The following PFKL variants were observed in gnomAD, a reference collection of about 807,000 sequenced individuals.
PFKL encodes phosphofructokinase, liver type.
In PFKL, 74 loss-of-function variants were observed where a neutral mutation model predicts 92.1. The observed-to-expected ratio is 0.80, with a 90% CI of 0.67 to 0.97. The LOEUF (loss-of-function observed/expected upper bound fraction) is 0.97, where lower values mean the gene tolerates loss of function less well. PFKL is among the 50% of genes least tolerant of loss of function. The probability of loss-of-function intolerance (pLI) is 0.00; values close to 1 mark genes in which losing one functional copy is unlikely to be tolerated. For missense variants in PFKL, 1,028 were observed against 1,116.6 expected (o/e 0.92, Z 1.13); for synonymous variants, 494 against 456.4 (o/e 1.08, Z -1.05).
intron 19 of PFKL, chr21:44,325,698 G>A (rs560957733): frequency 3.0e-5 from 16 of 529,828 alleles, no homozygotes; most frequent in East Asian, 2.5e-4. Context: ...GCTGGCTGCC[G>A]ATGCAGGGCC....
chr21:44,313,002 G>A lies in PFKL; in HGVS notation c.452G>A (p.Arg151Gln), dbSNP rs750482349. 5.5e-5 allele frequency: 89 copies of A among 1,612,900 alleles called. No homozygotes were observed. The highest frequency in any genetic ancestry group is 1.6e-4 in the Middle Eastern group (1 of 6,082). The stretch of plus-strand genomic sequence containing the variant: ...GGTAAGATCTCAGAGACTACAGCCC[G>A]GACCTACTCGCACCTGAACATCGCG... Reference protein sequence around the residue: ...AEGKISETTARTYSHLNIAGL... With the variant: ...AEGKISETTAQTYSHLNIAGL... The change falls in exon 5 of 22, where the codon CGG (arginine) becomes CAG (glutamine). Residue 151 changes from arginine (R) to glutamine (Q), a missense_variant. Transcript: ENST00000349048.
chr21:44,313,738 T>C, intron 6 of PFKL, 56 bp downstream of exon 6: 1 of 1,532,378 alleles, frequency 6.5e-7, no homozygotes, highest in Non-Finnish European at 8.9e-7. Flanking sequence ...GGGACCGCAG[T>C]GACAGGTGTG....
At position 44,313,049 on chromosome 21, in the gene PFKL, A is replaced by G. The variant is rs1336883106; in HGVS notation, c.499A>G (p.Asn167Asp). 2.5e-6 allele frequency: 4 copies of G among 1,613,152 alleles called. No individual in the cohort carries two copies. Among genetic ancestry groups the G allele is most frequent in the Non-Finnish European group, 3.4e-6 (4 of 1,179,936 alleles). Residue 167 changes from asparagine to aspartate, a missense_variant, in exon 5 of 22, where the codon AAC becomes GAC. Asn to Asp is a conservative substitution (Grantham distance 23). Transcript: ENST00000349048. ...NIAGLVGSID[N>D]DFCGTDMTIG... ...CGCGGGCCTAGTGGGCTCCATCGATAACGACTTCTGCGGCACCGACATGAC... is the reference window on the plus strand; with the variant it reads ...CGCGGGCCTAGTGGGCTCCATCGATGACGACTTCTGCGGCACCGACATGAC...
In PFKL at chr21:44,319,426, T is replaced by G; in HGVS notation, c.1127+11T>G. On this transcript the variant is annotated intron_variant, in intron 11 of 21. Transcript: ENST00000349048. ...CCAGCTCCGTGGTGGGTAAGCCCCCTCAGCAGACCCCTGCACTCTTACATG... is the reference window on the plus strand; with the variant it reads ...CCAGCTCCGTGGTGGGTAAGCCCCCGCAGCAGACCCCTGCACTCTTACATG... 6.2e-7 allele frequency: 1 copy of G among 1,610,780 alleles called. No homozygotes were observed. Among genetic ancestry groups the G allele is most frequent in the Non-Finnish European group, 8.5e-7 (1 of 1,177,482 alleles).
In PFKL at chr21:44,313,125, T is replaced by A. The variant is rs1487527581; in HGVS notation, c.575T>A (p.Ile192Asn). 1.2e-6 allele frequency: 2 copies of A among 1,612,786 alleles called. No individual in the cohort carries two copies. Among genetic ancestry groups the A allele is most frequent in the Non-Finnish European group, 1.7e-6 (2 of 1,179,842 alleles). ...CGCATCATGGAGGTCATCGATGCCATCACCACCACTGCCCAGAGGTGAGTG... is the reference window on the plus strand; with the variant it reads ...CGCATCATGGAGGTCATCGATGCCAACACCACCACTGCCCAGAGGTGAGTG... ...LHRIMEVIDA[I>N]TTTAQSHQRT... The change falls in exon 5 of 22, where the codon ATC (isoleucine) becomes AAC (asparagine). Residue 192 changes from isoleucine to asparagine, a missense_variant. Transcript: ENST00000349048.
intron 1 of PFKL, among the ~76,000 whole-genome samples, 163 bp downstream of exon 1, chr21:44,300,353 T>C (rs2040735914): frequency 6.6e-6 from 1 of 151,010 alleles, no homozygotes; most frequent in South Asian, 2.1e-4. Flanking sequence ...TGTCCCCCGC[T>C]CTTCCCCGGC....
chr21:44,316,297 T>G lies in PFKL; in HGVS notation c.801T>G (p.Ile267Met), dbSNP rs781143318. 3.7e-6 allele frequency: 6 copies of G among 1,613,312 alleles called. No homozygotes were observed. In the South Asian group the frequency reaches 6.6e-5, roughly 18 times the overall value. The change falls in exon 8 of 22, where the codon ATT becomes ATG. Residue 267 changes from isoleucine (I) to methionine (M), a missense_variant. By Grantham distance (10) the Ile-to-Met change is conservative. Coordinates refer to ENST00000349048, the MANE Select transcript of PFKL (RefSeq NM_002626.6). The part of the protein sequence containing the change: ...LNIIIIAEGA[I>M]DRNGKPISSS... Reference sequence around the variant, plus strand: ...TCATCATCATCGCTGAGGGTGCCATTGACCGCAACGGGAAGCCCATCTCGT... The same window carrying G: ...TCATCATCATCGCTGAGGGTGCCATGGACCGCAACGGGAAGCCCATCTCGT...
At chr21:44,313,166 GC>G (rs779135789) in intron 5 of PFKL, 23 bp downstream of exon 5, 4 of 1,610,686 alleles carry the variant, frequency 2.5e-6, no homozygotes, top group Non-Finnish European at 3.4e-6. Flanking sequence ...GGCGCCGGCG[GC>G]CAGCCCAGGG....
intron 19 of PFKL, 96 bp from the exon 20 acceptor site, chr21:44,325,865 T>G (rs534606030): frequency 1.2e-6 from 1 of 831,628 alleles, no homozygotes; most frequent in East Asian, 2.6e-5. Flanking sequence ...ACAAGCTGCC[T>G]GGGAGGCTCC....
At chr21:44,324,968 C>T (rs1394500788) in intron 18 of PFKL, 51 bp downstream of exon 18, 2 of 1,522,510 alleles carry the variant, frequency 1.3e-6, no homozygotes, top group South Asian at 2.3e-5. Flanking sequence ...ACTCTCGGGG[C>T]TGGGGTGGGG....
chr21:44,305,732 G>A, intron 1 of PFKL: 2 of 1,317,062 alleles, frequency 1.5e-6, no homozygotes, highest in South Asian at 2.4e-5. Flanking sequence ...CTCTCGGGAA[G>A]AAGGTGTGGG....
rs536910569 is a variant in PFKL, at chr21:44,305,314, A to G, written c.86-1367A>G. ...TGCTGAGCCCCACGCCAAGCTGGAG[A>G]GCGGATGAGAAGCATGTGTAACCAG... On this transcript the variant is annotated intron_variant, in intron 1 of 21. Transcript: ENST00000349048. The G allele has an allele frequency of 1.0e-5, 14 of 1,364,950 alleles. No homozygotes were observed. In the African/African-American group the frequency reaches 1.9e-4, roughly 19 times the overall value. The allele number at this position is 1,364,950 out of a possible 1,614,324, so 84.6% of individuals were successfully genotyped here.
At chr21:44,316,203 T>C in intron 7 of PFKL, 41 bp from the exon 8 acceptor site, 1 of 1,587,046 alleles carries the variant, frequency 6.3e-7, no homozygotes, top group South Asian at 1.1e-5. Context: ...GGGGCAGGTT[T>C]CCCTGCCTGG....
At position 44,310,557 on chromosome 21, in the gene PFKL, G is replaced by A. The variant is rs142981303; in HGVS notation, c.160-449G>A. Reference sequence around the variant, plus strand: ...AAGAGCACGCGCCGCACACCCCGCCGGCCGCATGCCTGGGAGGACTCCAGT... The same window carrying A: ...AAGAGCACGCGCCGCACACCCCGCCAGCCGCATGCCTGGGAGGACTCCAGT... On this transcript the variant is annotated intron_variant, in intron 2 of 21. Transcript: ENST00000349048. 1.3e-4 allele frequency among the ~76,000 whole-genome samples: 20 copies of A among 152,310 alleles called. No individual in the cohort carries two copies. The East Asian group carries it at 2.7e-3, about 21-fold the overall frequency.
chr21:44,314,376 C>G (rs1042480292), intron 7 of PFKL: 7 of 270,050 alleles, frequency 2.6e-5, no homozygotes, highest in African/African-American at 1.3e-4. Context: ...GTGGCCCCAG[C>G]AAGGTCCAGA....
At chr21:44,324,345 G>A (rs1288089879) in intron 16 of PFKL, 146 bp from the exon 17 acceptor site, 1 of 803,068 alleles carries the variant, frequency 1.2e-6, no homozygotes. Flanking sequence ...TGGGAGGTGG[G>A]CCCAAGCCTG....
At chr21:44,308,272 G>C (rs1406071622) in intron 2 of PFKL, among the ~76,000 whole-genome samples, 1 of 152,214 alleles carries the variant, frequency 6.6e-6, no homozygotes, top group Non-Finnish European at 1.5e-5. Flanking sequence ...AGGGAGGCAA[G>C]GCTGAGAGCT....
At chr21:44,322,072 C>A in intron 13 of PFKL, 61 bp from the exon 14 acceptor site, 1 of 1,549,074 alleles carries the variant, frequency 6.5e-7, no homozygotes. Context: ...ACAGGCCCAC[C>A]CCTGGGGGGA....
intron 7 of PFKL, chr21:44,314,354 G>A (rs1008866962): frequency 6.5e-6 from 2 of 307,718 alleles, no homozygotes; most frequent in African/African-American, 2.2e-5. Context: ...GGAGGTGGTT[G>A]GTTGTGAGGG....
Sources: allele counts gnomAD v4.1 joint callset (sites outside exome capture counted in the v4.1 genomes callset), GRCh38; gene constraint gnomAD v4.1.1; transcripts MANE v1.5; gene names NCBI Gene and HGNC (gene_info 2026-07-23, HGNC 2026-07-21).